NPAS3: variants seen among roughly 807,000 people sequenced by gnomAD.
The protein encoded by NPAS3 is neuronal PAS domain-containing protein 3.
Under a neutral mutation model 73.1 loss-of-function variants are expected in NPAS3, and 14 were observed. The observed-to-expected ratio is 0.19, with a 90% CI of 0.13 to 0.30. NPAS3 has a LOEUF of 0.30. NPAS3 is among the 10% of genes least tolerant of loss of function. NPAS3 has a pLI of 1.00. For missense variants in NPAS3, 1,096 were observed against 1,250.0 expected (o/e 0.88, Z 1.86); for synonymous variants, 620 against 541.5 (o/e 1.14, Z -2.01).
chr14:33,033,567 T>C (rs1420992177), intron 1 of NPAS3, among the ~76,000 whole-genome samples: 1 of 152,184 alleles, frequency 6.6e-6, no homozygotes, highest in African/African-American at 2.4e-5. Flanking sequence ...AACCAGTTAA[T>C]GTCTATCACC....
At chr14:33,225,384 C>G (rs2047591087) in intron 3 of NPAS3, among the ~76,000 whole-genome samples, 2 of 152,154 alleles carry the variant, frequency 1.3e-5, no homozygotes, top group African/African-American at 4.8e-5. Flanking sequence ...TTCTTCCAGT[C>G]TTGGTCAAAG....
chr14:33,024,259 C>T (rs1425735587), intron 1 of NPAS3, among the ~76,000 whole-genome samples: 5 of 151,758 alleles, frequency 3.3e-5, no homozygotes, highest in African/African-American at 1.2e-4. Flanking sequence ...GAAACCTCCA[C>T]CTCCTGGGTT....
chr14:33,049,623 G>T (rs933735054), intron 1 of NPAS3, among the ~76,000 whole-genome samples: 1 of 152,148 alleles, frequency 6.6e-6, no homozygotes, highest in African/African-American at 2.4e-5. Context: ...CTCCCACTGG[G>T]TCCCTCCCAC....
At chr14:33,278,727 G>A (rs941992993) in intron 3 of NPAS3, among the ~76,000 whole-genome samples, 5 of 152,204 alleles carry the variant, frequency 3.3e-5, no homozygotes, top group African/African-American at 1.2e-4. Flanking sequence ...ACAAAAAAAG[G>A]AAAGTAAACA....
At chr14:32,996,213 G>T (rs1020521366) in intron 1 of NPAS3, among the ~76,000 whole-genome samples, 1 of 152,168 alleles carries the variant, frequency 6.6e-6, no homozygotes, top group African/African-American at 2.4e-5. Context: ...TCTAGCAGAA[G>T]AAATTTCTAA....
chr14:32,977,356 G>GCACACACACACACACACACA (rs3057259), intron 1 of NPAS3, among the ~76,000 whole-genome samples: 7 of 141,544 alleles, frequency 4.9e-5, no homozygotes, highest in African/African-American at 1.0e-4. Context: ...TCTCTGACAC[G>GCACACACACACACACACACA]CACACACACA....
At chr14:33,240,794 CTCTGTTACA>C (rs2048190060) in intron 3 of NPAS3, among the ~76,000 whole-genome samples, 1 of 152,012 alleles carries the variant, frequency 6.6e-6, no homozygotes, top group Admixed American at 6.6e-5. Context: ...AATATTTCTA[CTCTGTTACA>C]GCCTTTTAAT....
chr14:33,773,171 C>A (rs907371753), intron 7 of NPAS3, among the ~76,000 whole-genome samples: 4 of 152,144 alleles, frequency 2.6e-5, no homozygotes, highest in African/African-American at 7.2e-5. Flanking sequence ...CTGGGAGGCA[C>A]GAGACCTACT....
At chr14:33,367,125 A>G in intron 3 of NPAS3, 61 bp from the exon 4 acceptor site, 1 of 744,848 alleles carries the variant, frequency 1.3e-6, no homozygotes, top group Non-Finnish European at 2.3e-6. Flanking sequence ...AACTAAGCTG[A>G]AGATATGAAT....
intron 5 of NPAS3, among the ~76,000 whole-genome samples, chr14:33,631,184 G>C (rs141203412): frequency 3.3e-5 from 5 of 152,216 alleles, no homozygotes; most frequent in African/African-American, 1.2e-4. Context: ...CTTCTTTAGA[G>C]CTGAATCACA....
At chr14:33,543,554 G>C (rs2054617188) in intron 4 of NPAS3, among the ~76,000 whole-genome samples, 1 of 151,398 alleles carries the variant, frequency 6.6e-6, no homozygotes, top group Non-Finnish European at 1.5e-5. Context: ...TGGCCCAGGA[G>C]TCACCCTTTG....
At chr14:33,788,839 G>GA (rs1364675175) in intron 9 of NPAS3, among the ~76,000 whole-genome samples, 1 of 152,000 alleles carries the variant, frequency 6.6e-6, no homozygotes, top group African/African-American at 2.4e-5. Context: ...TGTACCTCAG[G>GA]AAAAAGTTCA....
chr14:33,678,852 A>AAGAACTCTCATAAATCCCATGCCTT (rs2059848789), intron 6 of NPAS3, among the ~76,000 whole-genome samples: 1 of 152,180 alleles, frequency 6.6e-6, no homozygotes, highest in African/African-American at 2.4e-5. Flanking sequence ...ATGTCAATAT[A>AAGAACTCTCATAAATCCCATGCCTT]AGAACTCTCA....
At position 33,165,042 on chromosome 14, in the gene NPAS3, C is replaced by T. The variant is rs566588640; in HGVS notation, c.141-50140C>T. Among the ~76,000 whole-genome samples the T allele has an allele frequency of 2.2e-3, 334 of 152,088 alleles. 1 individual carries two copies. Among genetic ancestry groups the T allele is most frequent in the African/African-American group, 7.6e-3 (317 of 41,486 alleles). ...TGTTCTATGAAAGGTGTAAGAGAGACAAGTTTAGCAGAGTGTAAGTCAGGT... is the reference window on the plus strand; with the variant it reads ...TGTTCTATGAAAGGTGTAAGAGAGATAAGTTTAGCAGAGTGTAAGTCAGGT... On this transcript the variant is annotated intron_variant, in intron 2 of 11. Transcript: ENST00000356141.
chr14:33,463,572 G>C (rs2050372242), intron 4 of NPAS3, among the ~76,000 whole-genome samples: 1 of 152,086 alleles, frequency 6.6e-6, no homozygotes, highest in African/African-American at 2.4e-5. Flanking sequence ...TTAAGTAAAA[G>C]CTCCGTATGC....
chr14:33,163,381 A>G (rs2044983535), intron 2 of NPAS3, among the ~76,000 whole-genome samples: 1 of 152,162 alleles, frequency 6.6e-6, no homozygotes, highest in African/African-American at 2.4e-5. Flanking sequence ...ATTGCACTTT[A>G]CTTTCTGTTT....
chr14:33,301,453 A>G (rs1038049078), intron 3 of NPAS3, among the ~76,000 whole-genome samples: 1 of 151,652 alleles, frequency 6.6e-6, no homozygotes. Context: ...CAAGAAAAAG[A>G]AAGTTTGTAA....
chr14:33,545,024 T>C (rs2139662911), intron 4 of NPAS3, among the ~76,000 whole-genome samples: 1 of 151,424 alleles, frequency 6.6e-6, no homozygotes, highest in South Asian at 2.1e-4. Flanking sequence ...TGCCCAAGTG[T>C]CCCACCCTGT....
chr14:33,778,502 C>T (rs1479570669), exon 9 of NPAS3: 2 of 1,613,604 alleles, frequency 1.2e-6, no homozygotes, highest in East Asian at 2.2e-5. Flanking sequence ...CTGTAGATAT[C>T]GTAGGGAAGA....
Sources: gnomAD v4.1 joint callset for allele counts (sites outside exome capture counted in the v4.1 genomes callset) on GRCh38, gnomAD v4.1.1 for gene constraint, MANE v1.5 for transcripts, NCBI Gene and HGNC (gene_info 2026-07-23, HGNC 2026-07-21) for gene names.